Variants in INPP4B observed in about 807,000 individuals in gnomAD.
INPP4B encodes the protein inositol polyphosphate-4-phosphatase type II B.
Under a neutral mutation model 122.5 loss-of-function variants are expected in INPP4B, and 55 were observed. The observed-to-expected ratio is 0.45, with a 90% CI of 0.36 to 0.56. INPP4B has a LOEUF of 0.56. Ranked by LOEUF, INPP4B falls within the 20% of genes least tolerant of loss-of-function variation. INPP4B has a pLI of 0.00. For synonymous variants in INPP4B, 403 were observed against 388.7 expected (o/e 1.04, Z -0.43); for missense variants, 1,000 against 1,097.7 (o/e 0.91, Z 1.26).
At chr4:142,351,812 T>TA (rs35281922) in intron 7 of INPP4B, among the ~76,000 whole-genome samples, 4 of 152,104 alleles carry the variant, frequency 2.6e-5, no homozygotes, top group Admixed American at 2.6e-4. Flanking sequence ...GAGTTGGGGT[T>TA]AAAATGTATT....
chr4:142,817,791 G>T (rs999736338), intron 1 of INPP4B, among the ~76,000 whole-genome samples: 1 of 151,966 alleles, frequency 6.6e-6, no homozygotes, highest in Non-Finnish European at 1.5e-5. Context: ...TTTATACTTC[G>T]GGTTTATTTG....
At chr4:142,444,540 C>T (rs1812492163) in intron 3 of INPP4B, among the ~76,000 whole-genome samples, 1 of 151,948 alleles carries the variant, frequency 6.6e-6, no homozygotes, top group Non-Finnish European at 1.5e-5. Context: ...AAAATTTACA[C>T]TCCCACCACA....
chr4:142,032,164 C>T (rs1255564301), intron 25 of INPP4B, among the ~76,000 whole-genome samples: 1 of 151,962 alleles, frequency 6.6e-6, no homozygotes. Context: ...TAGTAACTTC[C>T]TGATATAAGG....
intron 12 of INPP4B, among the ~76,000 whole-genome samples, chr4:142,225,274 T>G (rs1851034283): frequency 1.3e-5 from 2 of 152,132 alleles, no homozygotes; most frequent in Non-Finnish European, 2.9e-5. Context: ...CTTACACCAG[T>G]GGTCTGCCAG....
chr4:142,749,527 A>C (rs1490105425), intron 1 of INPP4B, among the ~76,000 whole-genome samples: 1 of 151,572 alleles, frequency 6.6e-6, no homozygotes, highest in African/African-American at 2.4e-5. Context: ...CGTTTTAAGA[A>C]TCCATTTTAA....
At chr4:142,433,733 A>G (rs1438869269) in intron 3 of INPP4B, among the ~76,000 whole-genome samples, 1 of 152,192 alleles carries the variant, frequency 6.6e-6, no homozygotes, top group Non-Finnish European at 1.5e-5. Context: ...AGTGATAGGT[A>G]AATCAAATAG....
intron 23 of INPP4B, among the ~76,000 whole-genome samples, chr4:142,104,623 G>A (rs953744539): frequency 1.3e-5 from 2 of 152,050 alleles, no homozygotes; most frequent in African/African-American, 2.4e-5. Context: ...CAATACATGT[G>A]CCCAGATAGA....
intron 2 of INPP4B, among the ~76,000 whole-genome samples, chr4:142,520,354 C>T (rs962350674): frequency 1.3e-5 from 2 of 151,840 alleles, no homozygotes; most frequent in African/African-American, 4.8e-5. Flanking sequence ...GATCTTTACA[C>T]ATAACTTTAA....
At chr4:142,041,957 T>C (rs1747871722) in intron 25 of INPP4B, among the ~76,000 whole-genome samples, 1 of 152,172 alleles carries the variant, frequency 6.6e-6, no homozygotes, top group Admixed American at 6.5e-5. Context: ...AGCTCTTCCC[T>C]TTCTTTCTAT....
At chr4:142,513,414 T>TC (rs1491468435) in intron 2 of INPP4B, among the ~76,000 whole-genome samples, 1 of 138,532 alleles carries the variant, frequency 7.2e-6, no homozygotes, top group Admixed American at 7.9e-5. Context: ...GGTCTCTCTC[T>TC]TTTTTTTTTT....
chr4:142,574,361 C>A (rs566113503), intron 2 of INPP4B, among the ~76,000 whole-genome samples: 3 of 152,158 alleles, frequency 2.0e-5, no homozygotes, highest in African/African-American at 7.2e-5. Flanking sequence ...CAATTAAAAT[C>A]CCTCACTCCC....
chr4:142,084,073 C>A (rs957669180), intron 24 of INPP4B, among the ~76,000 whole-genome samples: 2 of 152,076 alleles, frequency 1.3e-5, no homozygotes, highest in African/African-American at 4.8e-5. Context: ...TAAGTCTTCA[C>A]TTTTACTATT....
At chr4:142,628,456 A>G (rs1182899506) in intron 2 of INPP4B, among the ~76,000 whole-genome samples, 1 of 9,252 alleles carries the variant, frequency 1.1e-4, no homozygotes, top group African/African-American at 1.7e-4. Flanking sequence ...GATATACCTA[A>G]ATGCTAGATG....
rs2152254975 is a variant in INPP4B at position 142,028,866 on chromosome 4, C to T, written c.2691G>A (p.Lys897=). ...TCAGCTGTAGCATGTTGAAAGCATA[C>T]TTTCTGCATTTGATATTCTTCAGTA... is the stretch of plus-strand genomic sequence containing the variant. The part of the protein sequence containing the change: ...ENVLKNIKCR[K]YAFNMLQLMA... Residue 897 remains lysine (K), a synonymous_variant, in exon 26 of 26, where the codon AAG becomes AAA. Transcript: ENST00000262992. 2 of 1,613,566 alleles carry T rather than the reference C, an allele frequency of 1.2e-6. No individual in the cohort carries two copies. Among genetic ancestry groups the T allele is most frequent in the Non-Finnish European group, 1.7e-6 (2 of 1,179,656 alleles).
intron 1 of INPP4B, among the ~76,000 whole-genome samples, chr4:142,780,727 A>C (rs538493705): frequency 6.6e-6 from 1 of 152,224 alleles, no homozygotes; most frequent in South Asian, 2.1e-4. Flanking sequence ...GAACTCGGGA[A>C]GTGGAGGTTG....
At chr4:142,111,961 C>A (rs1278341532) in intron 22 of INPP4B, among the ~76,000 whole-genome samples, 3 of 151,872 alleles carry the variant, frequency 2.0e-5, no homozygotes, top group African/African-American at 7.3e-5. Context: ...CCAGGCTGAT[C>A]TTGAACTCCT....
At chr4:142,614,135 A>C (rs1449790536) in intron 2 of INPP4B, among the ~76,000 whole-genome samples, 1 of 152,172 alleles carries the variant, frequency 6.6e-6, no homozygotes, top group Non-Finnish European at 1.5e-5. Flanking sequence ...AGGCAGGAGA[A>C]TCACTTGAGG....
At chr4:142,822,010 T>G (rs2151156048) in intron 1 of INPP4B, among the ~76,000 whole-genome samples, 1 of 152,292 alleles carries the variant, frequency 6.6e-6, no homozygotes, top group East Asian at 1.9e-4. Context: ...GAAGATGGCC[T>G]TCATTCCCAC....
chr4:142,347,031 A>C (rs544380854), intron 7 of INPP4B, among the ~76,000 whole-genome samples: 1 of 152,200 alleles, frequency 6.6e-6, no homozygotes, highest in South Asian at 2.1e-4. Context: ...CTTCCTTATA[A>C]GAATGTTGAA....
Sources: allele counts gnomAD v4.1 joint callset (sites outside exome capture counted in the v4.1 genomes callset), GRCh38; gene constraint gnomAD v4.1.1; transcripts MANE v1.5; gene names NCBI Gene and HGNC (gene_info 2026-07-23, HGNC 2026-07-21).